Variants in SUMF1 observed in about 807,000 individuals in gnomAD.
SUMF1 encodes the protein sulfatase modifying factor 1, also known as formylglycine-generating enzyme.
In SUMF1, 48 loss-of-function variants were observed where a neutral mutation model predicts 47.6. The observed-to-expected ratio is 1.01, with a 90% CI of 0.80 to 1.28. The LOEUF is 1.28. Among genes scored for constraint, SUMF1 ranks in the 50% most tolerant of loss-of-function variants. The probability of loss-of-function intolerance (pLI) is 0.00; values close to 1 mark genes in which losing one functional copy is unlikely to be tolerated. For synonymous variants in SUMF1, 230 were observed against 192.1 expected (o/e 1.20, Z -1.63); for missense variants, 571 against 485.4 (o/e 1.18, Z -1.66).
intron 7 of SUMF1, among the ~76,000 whole-genome samples, chr3:4,409,829 T>A (rs1376304900): frequency 6.6e-6 from 1 of 152,242 alleles, no homozygotes; most frequent in African/African-American, 2.4e-5. Flanking sequence ...AGCCCATGTG[T>A]TATTCTGTGA....
At chr3:4,364,611 CTCTTT>C (rs1406783742) in intron 8 of SUMF1, among the ~76,000 whole-genome samples, 1 of 151,406 alleles carries the variant, frequency 6.6e-6, no homozygotes, top group Non-Finnish European at 1.5e-5. Context: ...TGATTCTTCT[CTCTTT>C]TCTTCTTTAT....
At chr3:4,082,790 G>A (rs535462706) in intron 8 of SUMF1, among the ~76,000 whole-genome samples, 4 of 152,220 alleles carry the variant, frequency 2.6e-5, no homozygotes, top group Middle Eastern at 3.4e-3. Context: ...GAGAGAGAAT[G>A]GGTATGATTT....
intron 8 of SUMF1, among the ~76,000 whole-genome samples, chr3:4,350,345 G>GTGTGTGTGTATAAT (rs11267751): frequency 6.7e-6 from 1 of 148,814 alleles, no homozygotes; most frequent in Admixed American, 6.8e-5. Context: ...GTGTGTGTGT[G>GTGTGTGTGTATAAT]TGTGTGTGTA....
At chr3:4,334,390 T>A (rs529072329) in intron 8 of SUMF1, among the ~76,000 whole-genome samples, 1 of 152,268 alleles carries the variant, frequency 6.6e-6, no homozygotes, top group Admixed American at 6.5e-5. Context: ...ACATGAGATG[T>A]CTCCAAAGAG....
At chr3:4,140,037 C>A (rs1694038211) in intron 8 of SUMF1, among the ~76,000 whole-genome samples, 1 of 152,030 alleles carries the variant, frequency 6.6e-6, no homozygotes, top group African/African-American at 2.4e-5. Context: ...TTTCTGAAAT[C>A]TCTCAACTCT....
At chr3:4,295,029 A>C (rs310726) in intron 8 of SUMF1, among the ~76,000 whole-genome samples, 94,989 of 152,114 alleles carry the variant, frequency 0.62, 31,457 homozygotes, top group African/African-American at 0.86. Flanking sequence ...TCTTTTTACG[A>C]CAAACTTTTC....
chr3:4,036,580 A>G (rs976928964), intron 9 of SUMF1, among the ~76,000 whole-genome samples: 63 of 148,760 alleles, frequency 4.2e-4, no homozygotes, highest in African/African-American at 1.4e-3. Context: ...CCTCACTTCC[A>G]TTTCCTTCTT....
intron 8 of SUMF1, among the ~76,000 whole-genome samples, chr3:4,260,086 T>C (rs1386285893): frequency 2.0e-5 from 3 of 151,968 alleles, no homozygotes; most frequent in Non-Finnish European, 4.4e-5. Context: ...TAGTGAAATC[T>C]AGAATCTCAT....
chr3:4,147,200 C>G (rs1184374230), intron 8 of SUMF1, among the ~76,000 whole-genome samples: 1 of 152,116 alleles, frequency 6.6e-6, no homozygotes, highest in Non-Finnish European at 1.5e-5. Context: ...AATAGGAACA[C>G]TTTTACACTG....
rs370530703 is a variant in SUMF1, at chr3:4,146,310, G to A, written c.1015-77565C>T. Among the ~76,000 whole-genome samples the A allele has an allele frequency of 9.2e-5, 14 of 152,116 alleles. 2 individuals are homozygous for A. Among genetic ancestry groups the A allele is most frequent in the Admixed American group, 6.5e-5 (1 of 15,272 alleles). On this transcript the variant is annotated intron_variant and NMD_transcript_variant, in intron 8 of 12. Transcript: ENST00000448413. Reference sequence around the variant, plus strand: ...ACAGAAGAGGGAGCAGCACAAAAATGGGGAGCTTTCAGAGACTATGGAGGT... The same window carrying A: ...ACAGAAGAGGGAGCAGCACAAAAATAGGGAGCTTTCAGAGACTATGGAGGT...
At chr3:4,220,160 C>T (rs957138098) in intron 8 of SUMF1, among the ~76,000 whole-genome samples, 1 of 152,096 alleles carries the variant, frequency 6.6e-6, no homozygotes, top group Non-Finnish European at 1.5e-5. Flanking sequence ...CTCCATTAGA[C>T]ATTAGTAAGA....
chr3:4,254,849 A>C (rs924045323), intron 8 of SUMF1, among the ~76,000 whole-genome samples: 56 of 152,136 alleles, frequency 3.7e-4, no homozygotes, highest in South Asian at 3.3e-3. Flanking sequence ...AAAAAATATT[A>C]AGGGCAGCCA....
intron 8 of SUMF1, chr3:4,303,181 G>T (rs1698015441): frequency 3.9e-6 from 2 of 518,670 alleles, no homozygotes; most frequent in Admixed American, 8.8e-5. Flanking sequence ...ATTATCTGTG[G>T]TGCCTCTGGC....
At chr3:4,138,665 A>G (rs1447206877) in intron 8 of SUMF1, among the ~76,000 whole-genome samples, 7 of 152,136 alleles carry the variant, frequency 4.6e-5, no homozygotes, top group Non-Finnish European at 2.9e-5. Context: ...GACTCCATGC[A>G]GAGAATATGA....
chr3:4,436,985 C>A (rs1183199457), intron 3 of SUMF1, among the ~76,000 whole-genome samples: 1 of 151,916 alleles, frequency 6.6e-6, no homozygotes, highest in Non-Finnish European at 1.5e-5. Context: ...TAACTTCCAA[C>A]CTAAAATTTT....
intron 3 of SUMF1, among the ~76,000 whole-genome samples, chr3:4,443,849 A>G (rs1458214595): frequency 6.6e-6 from 1 of 152,164 alleles, no homozygotes; most frequent in Non-Finnish European, 1.5e-5. Flanking sequence ...AGAATTATGT[A>G]AAGAAAGATA....
At chr3:4,421,718 A>C (rs999457574) in intron 3 of SUMF1, among the ~76,000 whole-genome samples, 1 of 152,180 alleles carries the variant, frequency 6.6e-6, no homozygotes, top group African/African-American at 2.4e-5. Context: ...ACTGGGCTCC[A>C]GTGATCCCTG....
chr3:4,068,050 A>T (rs1695419050), intron 9 of SUMF1, among the ~76,000 whole-genome samples: 1 of 152,170 alleles, frequency 6.6e-6, no homozygotes, highest in African/African-American at 2.4e-5. Context: ...GTTCTTCCCT[A>T]GGCCATTAGC....
chr3:4,312,800 A>G (rs1050731603), intron 8 of SUMF1: 15 of 1,386,608 alleles, frequency 1.1e-5, no homozygotes, highest in Non-Finnish European at 1.5e-5. Flanking sequence ...GTTTTTATAT[A>G]TGTTAGAATT....
Sources: gnomAD v4.1 joint callset for allele counts (sites outside exome capture counted in the v4.1 genomes callset) on GRCh38, gnomAD v4.1.1 for gene constraint, MANE v1.5 for transcripts, NCBI Gene and HGNC (gene_info 2026-07-23, HGNC 2026-07-21) for gene names.